MACF1: variants seen among roughly 807,000 people sequenced by gnomAD.
MACF1 encodes microtubule actin crosslinking factor 1.
MACF1 carries 193 observed loss-of-function variants against 854.8 expected under a neutral mutation model. That is an observed-to-expected ratio of 0.23 (90% CI 0.20 to 0.25). MACF1 has a LOEUF of 0.25. Ranked by LOEUF, MACF1 falls within the 10% of genes least tolerant of loss-of-function variation. MACF1 has a pLI of 1.00. For missense variants in MACF1, 7,722 were observed against 8,929.1 expected, an observed-to-expected ratio of 0.86 and a Z score of 5.45; for synonymous variants, 3,185 against 3,226.7, an observed-to-expected ratio of 0.99 and a Z score of 0.44.
At chr1:39,432,985 T>A in intron 67 of MACF1, 63 bp from the exon 68 acceptor site, 1 of 1,059,934 alleles carries the variant, frequency 9.4e-7, no homozygotes, top group South Asian at 1.5e-5. Flanking sequence ...GATTTTGTCT[T>A]AACCTTTAGT....
chr1:39,421,172 A>G (rs138939527), intron 58 of MACF1, among the ~76,000 whole-genome samples: 1 of 151,786 alleles, frequency 6.6e-6, no homozygotes, highest in Non-Finnish European at 1.5e-5. Context: ...GCCACTTCAT[A>G]CTCTTAATGT....
intron 26 of MACF1, among the ~76,000 whole-genome samples, chr1:39,311,702 C>G (rs1646304233): frequency 6.6e-6 from 1 of 152,118 alleles, no homozygotes; most frequent in African/African-American, 2.4e-5. Flanking sequence ...GTCGAAGTTA[C>G]AATTGGAGAC....
intron 2 of MACF1, among the ~76,000 whole-genome samples, chr1:39,192,678 C>T (rs1228045441): frequency 6.6e-6 from 1 of 152,146 alleles, no homozygotes; most frequent in Non-Finnish European, 1.5e-5. Flanking sequence ...TATCTTTGTC[C>T]AGTAGGGGTC....
intron 58 of MACF1, among the ~76,000 whole-genome samples, chr1:39,403,280 G>C (rs1397838694): frequency 6.6e-6 from 1 of 152,014 alleles, no homozygotes; most frequent in Non-Finnish European, 1.5e-5. Flanking sequence ...TGTATTTTTA[G>C]TAGAGACGGG....
chr1:39,468,899 G>A (rs193251896), intron 96 of MACF1, among the ~76,000 whole-genome samples, 167 bp downstream of exon 96: 181 of 152,326 alleles, frequency 1.2e-3, no homozygotes, highest in Non-Finnish European at 2.3e-3. Flanking sequence ...GCCAGCATAG[G>A]CCAGGGAGAA....
At chr1:39,094,634 C>CAT (rs1641892921) in intron 2 of MACF1, among the ~76,000 whole-genome samples, 1 of 151,878 alleles carries the variant, frequency 6.6e-6, no homozygotes, top group Non-Finnish European at 1.5e-5. Flanking sequence ...AGGAGAATTG[C>CAT]TTGAACCTGG....
intron 2 of MACF1, among the ~76,000 whole-genome samples, chr1:39,170,724 C>T (rs1033870303): frequency 6.6e-6 from 1 of 152,176 alleles, no homozygotes; most frequent in African/African-American, 2.4e-5. Context: ...AAAGCAAAGT[C>T]CTTTCCCTTG....
Position 39,435,673 on chromosome 1 carries a change from A to G in MACF1, c.17900A>G (p.Gln5967Arg). ...EEGEMVEEKYQKAENMYAQIK... is the reference protein window; with the variant it reads ...EEGEMVEEKYRKAENMYAQIK... ...GGGGAAATGGTGGAAGAAAAATACC[A>G]GAAAGCAGAAAACATGTATGCCCAA... The change falls in exon 70 of 101, where the codon CAG becomes CGG. Residue 5967 changes from glutamine (Q) to arginine (R), a missense_variant. Physicochemically the swap from Gln to Arg is conservative, Grantham distance 43. Coordinates refer to ENST00000564288, the MANE Select transcript of MACF1 (RefSeq NM_001394062.1). 1 of 1,614,248 alleles carries G rather than the reference A, an allele frequency of 6.2e-7. No homozygotes were observed. The highest frequency in any genetic ancestry group is 8.5e-7 in the Non-Finnish European group (1 of 1,180,038).
At chr1:39,397,968 T>G (rs1642337674) in intron 58 of MACF1, among the ~76,000 whole-genome samples, 1 of 152,176 alleles carries the variant, frequency 6.6e-6, no homozygotes, top group African/African-American at 2.4e-5. Flanking sequence ...AATCCTATTT[T>G]GCAGATAAGA....
At chr1:39,155,419 A>G (rs945640604) in intron 2 of MACF1, among the ~76,000 whole-genome samples, 2 of 152,152 alleles carry the variant, frequency 1.3e-5, no homozygotes, top group Non-Finnish European at 2.9e-5. Context: ...GAGTCTCTGA[A>G]TAGACTTTAA....
At chr1:39,383,395 C>T (rs1173836204) in intron 56 of MACF1, among the ~76,000 whole-genome samples, 1 of 152,118 alleles carries the variant, frequency 6.6e-6, no homozygotes, top group Non-Finnish European at 1.5e-5. Flanking sequence ...CTTTTATTCT[C>T]TGAAAAATTA....
intron 1 of MACF1, among the ~76,000 whole-genome samples, chr1:39,210,299 A>G (rs1218994746): frequency 6.6e-6 from 1 of 152,066 alleles, no homozygotes; most frequent in Non-Finnish European, 1.5e-5. Flanking sequence ...TATATCTAAC[A>G]TATCTTTGCT....
chr1:39,476,034 G>A lies in MACF1; in HGVS notation c.21959-3764G>A, dbSNP rs556431013. On this transcript the variant is annotated intron_variant, in intron 97 of 100. Coordinates refer to ENST00000564288, the MANE Select transcript of MACF1 (RefSeq NM_001394062.1). ...AACCCTCCACATGCAAGTTACAACA[G>A]CAGAGAGATGTTTTTACCTAACAAA... Among the ~76,000 whole-genome samples, 3 of 152,334 alleles carry A rather than the reference G, an allele frequency of 2.0e-5. No homozygotes were observed. In the South Asian group the frequency reaches 6.2e-4, roughly 32 times the overall value.
intron 40 of MACF1, among the ~76,000 whole-genome samples, chr1:39,344,633 G>A (rs1015608726): frequency 6.6e-6 from 1 of 152,116 alleles, no homozygotes; most frequent in Non-Finnish European, 1.5e-5. Flanking sequence ...GCAGTGACCT[G>A]CTAGCACTTG....
At chr1:39,291,256 C>T (rs954052558) in intron 15 of MACF1, among the ~76,000 whole-genome samples, 25 of 152,292 alleles carry the variant, frequency 1.6e-4, no homozygotes, top group Admixed American at 1.1e-3. Context: ...GGATTACAGG[C>T]GTGAGCCACT....
intron 2 of MACF1, among the ~76,000 whole-genome samples, chr1:39,132,564 G>C (rs2148173182): frequency 6.6e-6 from 1 of 152,298 alleles, no homozygotes; most frequent in South Asian, 2.1e-4. Flanking sequence ...ACAGCCCCCT[G>C]TATTGAAAAC....
At chr1:39,437,488 T>G (rs570322495) in intron 70 of MACF1, among the ~76,000 whole-genome samples, 6 of 152,048 alleles carry the variant, frequency 3.9e-5, no homozygotes, top group Non-Finnish European at 7.4e-5. Flanking sequence ...TTTTTTGTAT[T>G]TTTAGTAGGG....
At chr1:39,438,081 AC>A in intron 71 of MACF1, 73 bp downstream of exon 71, 1 of 1,349,150 alleles carries the variant, frequency 7.4e-7, no homozygotes, top group Non-Finnish European at 1.0e-6. Flanking sequence ...TCAGCATCCC[AC>A]CAGATTTATT....
chr1:39,102,558 T>C lies in MACF1; in HGVS notation c.220+18120T>C. 3 of 595,406 alleles carry C rather than the reference T, an allele frequency of 5.0e-6. No homozygotes were observed. In the South Asian group the frequency reaches 6.3e-5, roughly 12 times the overall value. The allele number at this position is 595,406 out of a possible 1,614,324, so 36.9% of individuals were successfully genotyped here. On this transcript the variant is annotated intron_variant, in intron 2 of 93. Coordinates refer to the MACF1 transcript ENST00000361689. The stretch of plus-strand genomic sequence containing the variant: ...GGGAGGAAAGTCGGTTGGATGGCCC[T>C]GAGGCGAGATAACACATTAGAGGCG...
Sources: allele counts gnomAD v4.1 joint callset (sites outside exome capture counted in the v4.1 genomes callset), GRCh38; gene constraint gnomAD v4.1.1; transcripts MANE v1.5; gene names NCBI Gene and HGNC (gene_info 2026-07-23, HGNC 2026-07-21).